ANGEL1: variants seen among roughly 807,000 people sequenced by gnomAD.
The protein encoded by ANGEL1 is angel homolog 1, also known as RNA 2',3'-cyclic phosphatase ANGEL1.
In ANGEL1, 62 loss-of-function variants were observed where a neutral mutation model predicts 76.4. The observed-to-expected ratio is 0.81, with a 90% CI of 0.66 to 1.00. The LOEUF (loss-of-function observed/expected upper bound fraction) is 1.00, where lower values mean the gene tolerates loss of function less well. Ranked by LOEUF, ANGEL1 falls within the 50% of genes least tolerant of loss-of-function variation. The pLI is 0.00. For missense variants in ANGEL1, 737 were observed against 836.7 expected, an observed-to-expected ratio of 0.88 and a Z score of 1.47; for synonymous variants, 340 against 331.7, an observed-to-expected ratio of 1.03 and a Z score of -0.27.
At position 76,810,298 on chromosome 14, in the gene ANGEL1, A is replaced by C. The variant is rs1481894119; in HGVS notation, c.65-655T>G. ...TAGCCAAGTACGGTGGCACATGCCC[A>C]TGGTCCTAGCTACTTGGGAGGCTGA... is the stretch of plus-strand genomic sequence containing the variant. On this transcript the variant is annotated intron_variant, in intron 1 of 9. Coordinates refer to ENST00000251089, the MANE Select transcript of ANGEL1 (RefSeq NM_015305.4). 3 of 444,788 alleles carry C rather than the reference A, an allele frequency of 6.7e-6. No homozygotes were observed. In the Admixed American group the frequency reaches 7.2e-5, roughly 11 times the overall value. The allele number at this position is 444,788 out of a possible 1,614,324, so 27.6% of individuals were successfully genotyped here. A position where few individuals can be genotyped will look rare whatever the true frequency, so the allele number is the denominator to read the frequency against.
intron 2 of ANGEL1, among the ~76,000 whole-genome samples, 193 bp from the exon 3 acceptor site, chr14:76,808,341 A>T (rs548078053): frequency 1.3e-5 from 2 of 152,260 alleles, no homozygotes; most frequent in South Asian, 2.1e-4. Context: ...AAGGCCAGAG[A>T]CAATCTTGGC....
At chr14:76,793,414 A>G (rs1566695821) in intron 7 of ANGEL1, among the ~76,000 whole-genome samples, 20 of 7,500 alleles carry the variant, frequency 2.7e-3, no homozygotes, top group South Asian at 0.011. Context: ...GGATAAAAGG[A>G]AAGAGGAGAG....
In ANGEL1 at chr14:76,787,565, T is replaced by C. The variant is rs891165583; in HGVS notation, c.*1663A>G. 1.3e-5 allele frequency: 2 copies of C among 152,576 alleles called. No individual in the cohort carries two copies. Among genetic ancestry groups the C allele is most frequent in the Non-Finnish European group, 2.9e-5 (2 of 68,056 alleles). The allele number at this position is 152,576 out of a possible 1,614,324, so 9.5% of individuals were successfully genotyped here. On this transcript the variant is annotated 3_prime_UTR_variant, in exon 10 of 10. Transcript: ENST00000251089. ...ATGCCCAGTACCCAGGAAACAAAGT[T>C]TGAAAATATATACACATAGAAAAAT...
At chr14:76,806,288 A>G in intron 5 of ANGEL1, 128 bp downstream of exon 5, 1 of 982,286 alleles carries the variant, frequency 1.0e-6, no homozygotes. Context: ...ATTCAACATA[A>G]CAAGAAAAAG....
intron 1 of ANGEL1, among the ~76,000 whole-genome samples, chr14:76,811,673 C>T (rs1337493568): frequency 6.6e-6 from 1 of 152,130 alleles, no homozygotes; most frequent in African/African-American, 2.4e-5. Context: ...GAAACAATTA[C>T]TTCTGTGGAG....
At chr14:76,807,697 T>TC (rs1245146379) in intron 3 of ANGEL1, among the ~76,000 whole-genome samples, 195 bp from the exon 4 acceptor site, 1 of 152,162 alleles carries the variant, frequency 6.6e-6, no homozygotes, top group African/African-American at 2.4e-5. Context: ...GCTCCTTGAA[T>TC]CCCTCAAGCC....
At chr14:76,804,776 G>A (rs2140225771) in intron 5 of ANGEL1, among the ~76,000 whole-genome samples, 1 of 152,298 alleles carries the variant, frequency 6.6e-6, no homozygotes, top group South Asian at 2.1e-4. Flanking sequence ...TTGGGAGGCT[G>A]AGGTAGGTGG....
chr14:76,788,225 G>A lies in ANGEL1; in HGVS notation c.*1003C>T, dbSNP rs987266506. ...GTCTTCAGTCCCAGCTGAGGCAGCT[G>A]AAGAGTCTACCTGCTCCTTCCCCTA... On this transcript the variant is annotated 3_prime_UTR_variant, in exon 10 of 10. Transcript: ENST00000251089. 5.9e-5 allele frequency: 9 copies of A among 152,270 alleles called. No homozygotes were observed. The highest frequency in any genetic ancestry group is 1.3e-4 in the Non-Finnish European group (9 of 68,062). The allele number at this position is 152,270 out of a possible 1,614,324, so 9.4% of individuals were successfully genotyped here.
In ANGEL1 at chr14:76,789,075, G is replaced by A; in HGVS notation, c.*153C>T. 1 of 1,072,554 alleles carries A rather than the reference G, an allele frequency of 9.3e-7. No homozygotes were observed. Among genetic ancestry groups the A allele is most frequent in the Non-Finnish European group, 1.3e-6 (1 of 743,362 alleles). The allele number at this position is 1,072,554 out of a possible 1,614,324, so 66.4% of individuals were successfully genotyped here. ...GGCAGAGAACGCAGCCAGGCCTGGA[G>A]AAAGTCTAACCGTGGGAAAAAGGGA... On this transcript the variant is annotated 3_prime_UTR_variant, in exon 10 of 10. Coordinates refer to ENST00000251089, the MANE Select transcript of ANGEL1 (RefSeq NM_015305.4).
intron 1 of ANGEL1, 49 bp downstream of exon 1, chr14:76,812,715 G>GT: frequency 6.8e-7 from 1 of 1,474,318 alleles, no homozygotes; most frequent in Non-Finnish European, 9.0e-7. Flanking sequence ...GAGCCCCGCA[G>GT]AGGCGAGCCC....
In ANGEL1 at chr14:76,797,252, G is replaced by T. The variant is rs553505726; in HGVS notation, c.1619-5886C>A. ...GACTTTCCTGCTCTTTATGATGTTA[G>T]TTGTAGGCTTGTTAAAAAACAAACA... On this transcript the variant is annotated intron_variant, in intron 7 of 9. Transcript: ENST00000251089. Among the ~76,000 whole-genome samples, 141 of 152,288 alleles carry T rather than the reference G, an allele frequency of 9.3e-4. 1 individual carries two copies. Among genetic ancestry groups the T allele is most frequent in the Non-Finnish European group, 1.8e-3 (122 of 68,014 alleles).
At chr14:76,806,988 G>T in intron 4 of ANGEL1, 139 bp from the exon 5 acceptor site, 1 of 947,382 alleles carries the variant, frequency 1.1e-6, no homozygotes, top group Non-Finnish European at 1.6e-6. Flanking sequence ...CCACTTCCTT[G>T]GTTCAGCAGG....
intron 7 of ANGEL1, among the ~76,000 whole-genome samples, chr14:76,802,538 C>G (rs534859048): frequency 6.6e-6 from 1 of 152,292 alleles, no homozygotes; most frequent in African/African-American, 2.4e-5. Flanking sequence ...CTACAAGTAT[C>G]TCATCTACCC....
chr14:76,801,112 C>CTTTT (rs561312929), intron 7 of ANGEL1, among the ~76,000 whole-genome samples: 7 of 142,514 alleles, frequency 4.9e-5, no homozygotes, highest in Non-Finnish European at 1.5e-5. Context: ...TCTCCTACAT[C>CTTTT]TTTTTTTTTT....
chr14:76,786,237 C>T lies in ANGEL1; in HGVS notation c.*2991G>A, dbSNP rs1465667911. ...GGAGTGCAATGGCATGATCTCGGCT[C>T]ACCACAACCTCCGCTTCCCAGGTTC... On this transcript the variant is annotated 3_prime_UTR_variant, in exon 10 of 10. Transcript: ENST00000251089. 1 of 150,716 alleles carries T rather than the reference C, an allele frequency of 6.6e-6. No individual in the cohort carries two copies. The highest frequency in any genetic ancestry group is 2.5e-5 in the African/African-American group (1 of 40,750). The allele number at this position is 150,716 out of a possible 1,614,324, so 9.3% of individuals were successfully genotyped here.
At chr14:76,801,586 T>C (rs896612048) in intron 7 of ANGEL1, among the ~76,000 whole-genome samples, 4 of 152,178 alleles carry the variant, frequency 2.6e-5, no homozygotes, top group Non-Finnish European at 5.9e-5. Context: ...CCTTTATCTT[T>C]CACTACTGTC....
At chr14:76,797,037 T>C (rs1368032798) in intron 7 of ANGEL1, among the ~76,000 whole-genome samples, 2 of 152,124 alleles carry the variant, frequency 1.3e-5, no homozygotes, top group Non-Finnish European at 2.9e-5. Flanking sequence ...GCTCTGGCAG[T>C]TATACAGGAC....
chr14:76,808,068 G>A lies in ANGEL1; in HGVS notation c.730C>T (p.Gln244Ter), dbSNP rs1894973381. The A allele has an allele frequency of 6.2e-7, 1 of 1,614,106 alleles. No homozygotes were observed. The highest frequency in any genetic ancestry group is 1.1e-5 in the South Asian group (1 of 91,072). ...GLKAGDGPQF[Q>*]FTLMSYNILA... Reference sequence around the variant, plus strand: ...ATGTTATAAGACATCAGAGTGAACTGGAACTGAGGGCCATCTCCTGCCTTC... The same window carrying A: ...ATGTTATAAGACATCAGAGTGAACTAGAACTGAGGGCCATCTCCTGCCTTC... The change falls in exon 3 of 10, where the codon CAG becomes TAG. Residue 244 changes from glutamine (Q) to a stop codon, truncating the protein, a stop_gained. Coordinates refer to ENST00000251089, the MANE Select transcript of ANGEL1 (RefSeq NM_015305.4). LOFTEE classifies it high-confidence loss of function.
rs943383994 is a variant in ANGEL1 at position 76,806,566 on chromosome 14, G to A, written c.1230C>T (p.Leu410=). The change falls in exon 5 of 10, where the codon CTC becomes CTT. Residue 410 remains leucine (L), a synonymous_variant. Transcript: ENST00000251089. ...GDVKLAQMAI[L]LAEVDKVARL... is the part of the protein sequence containing the mutation. The stretch of plus-strand genomic sequence containing the variant: ...TGGCCACCTTGTCCACTTCCGCCAG[G>A]AGAATGGCCATCTGGGCCAGCTTGA... 6.2e-6 allele frequency: 10 copies of A among 1,614,084 alleles called. No homozygotes were observed. The East Asian group carries it at 6.7e-5, about 11-fold the overall frequency.
Sources: gnomAD v4.1 joint callset for allele counts (sites outside exome capture counted in the v4.1 genomes callset) on GRCh38, gnomAD v4.1.1 for gene constraint, MANE v1.5 for transcripts, NCBI Gene and HGNC (gene_info 2026-07-23, HGNC 2026-07-21) for gene names.